KIF6: variants seen among roughly 807,000 people sequenced by gnomAD.
The protein encoded by KIF6 is kinesin-like protein KIF6.
A neutral mutation model predicts 112.7 loss-of-function variants in KIF6; 106 were observed. That is an observed-to-expected ratio of 0.94 (90% CI 0.80 to 1.11). The LOEUF (loss-of-function observed/expected upper bound fraction) is 1.11, where lower values mean the gene tolerates loss of function less well. Among genes scored for constraint, KIF6 ranks in the 50% least tolerant of loss-of-function variants. The pLI, the probability that KIF6 is intolerant of heterozygous loss-of-function variation, is 0.00. For missense variants in KIF6, 929 were observed against 964.0 expected, an observed-to-expected ratio of 0.96 and a Z score of 0.48; for synonymous variants, 339 against 339.9, an observed-to-expected ratio of 1.00 and a Z score of 0.03.
At chr6:39,668,660 C>A (rs1269911456) in intron 3 of KIF6, among the ~76,000 whole-genome samples, 3 of 152,174 alleles carry the variant, frequency 2.0e-5, no homozygotes, top group Non-Finnish European at 4.4e-5. Flanking sequence ...AACCCCAGGC[C>A]ATCTCATGAA....
intron 13 of KIF6, among the ~76,000 whole-genome samples, chr6:39,448,398 C>T (rs1222595604): frequency 6.6e-6 from 1 of 152,126 alleles, no homozygotes; most frequent in Non-Finnish European, 1.5e-5. Context: ...TGGTCTCGAA[C>T]TCCTGACCTC....
At chr6:39,491,916 T>C (rs1292893801) in intron 13 of KIF6, among the ~76,000 whole-genome samples, 1 of 152,162 alleles carries the variant, frequency 6.6e-6, no homozygotes, top group Non-Finnish European at 1.5e-5. Context: ...CTGGCTTCTC[T>C]TAGCTGCCTA....
chr6:39,649,392 C>A (rs1785342251), intron 3 of KIF6, among the ~76,000 whole-genome samples: 1 of 152,184 alleles, frequency 6.6e-6, no homozygotes, highest in African/African-American at 2.4e-5. Flanking sequence ...CCCCACACAA[C>A]CAAAATTGTT....
At chr6:39,385,247 C>T (rs1325865056) in intron 16 of KIF6, among the ~76,000 whole-genome samples, 1 of 152,194 alleles carries the variant, frequency 6.6e-6, no homozygotes, top group Admixed American at 6.5e-5. Context: ...TAAACAAATG[C>T]TGTTTTCATC....
At chr6:39,426,391 A>T (rs1196871340) in intron 14 of KIF6, among the ~76,000 whole-genome samples, 2 of 152,164 alleles carry the variant, frequency 1.3e-5, no homozygotes, top group South Asian at 2.1e-4. Context: ...GAGCTTAGAG[A>T]TGCTAGAAAT....
At chr6:39,678,219 T>C (rs2113762891) in intron 3 of KIF6, among the ~76,000 whole-genome samples, 1 of 151,934 alleles carries the variant, frequency 6.6e-6, no homozygotes, top group East Asian at 1.9e-4. Flanking sequence ...GTAAACTAGT[T>C]CAACCATTGT....
chr6:39,696,781 T>C (rs977433606), intron 3 of KIF6, among the ~76,000 whole-genome samples: 49 of 151,878 alleles, frequency 3.2e-4, no homozygotes, highest in Non-Finnish European at 1.0e-4. Context: ...GTGTAAATAC[T>C]GGACACACAC....
chr6:39,686,659 C>T (rs188119994), intron 3 of KIF6, among the ~76,000 whole-genome samples: 3 of 152,180 alleles, frequency 2.0e-5, no homozygotes, highest in African/African-American at 4.8e-5. Flanking sequence ...ATAACCTAAC[C>T]CCCCACATTA....
At chr6:39,700,029 C>T (rs1788785258) in intron 3 of KIF6, among the ~76,000 whole-genome samples, 1 of 151,984 alleles carries the variant, frequency 6.6e-6, no homozygotes, top group Non-Finnish European at 1.5e-5. Flanking sequence ...TTTTGTGGGT[C>T]CATAGTAGGT....
At chr6:39,468,212 C>T (rs904879753) in intron 13 of KIF6, among the ~76,000 whole-genome samples, 1 of 151,588 alleles carries the variant, frequency 6.6e-6, no homozygotes, top group African/African-American at 2.4e-5. Flanking sequence ...AGGAATAGAG[C>T]CTCAGTGAAA....
intron 13 of KIF6, among the ~76,000 whole-genome samples, chr6:39,445,366 T>C (rs1772245634): frequency 6.6e-6 from 1 of 152,218 alleles, no homozygotes; most frequent in South Asian, 2.1e-4. Flanking sequence ...TGTATCCTAA[T>C]AGCTTCTTCT....
chr6:39,461,797 G>A (rs936251985), intron 13 of KIF6, among the ~76,000 whole-genome samples: 56 of 152,016 alleles, frequency 3.7e-4, no homozygotes, highest in African/African-American at 1.3e-3. Flanking sequence ...TTTAATATTT[G>A]TATCTGTATT....
chr6:39,402,678 A>G (rs750775427), intron 15 of KIF6, among the ~76,000 whole-genome samples: 27 of 152,132 alleles, frequency 1.8e-4, no homozygotes, highest in Non-Finnish European at 3.4e-4. Context: ...AGAAGCCCCC[A>G]CTGGGTGGTT....
intron 13 of KIF6, among the ~76,000 whole-genome samples, chr6:39,524,764 C>T (rs548781526): frequency 4.3e-4 from 66 of 152,298 alleles, no homozygotes; most frequent in African/African-American, 1.5e-3. Context: ...TCATCTTCTC[C>T]GTCCTCTAAG....
At chr6:39,629,473 G>A (rs140014742) in intron 5 of KIF6, among the ~76,000 whole-genome samples, 206 of 152,190 alleles carry the variant, frequency 1.4e-3, no homozygotes, top group African/African-American at 4.4e-3. Context: ...CTTCTTCAGC[G>A]AAGTGGCTAT....
chr6:39,626,209 G>A (rs1475980231), intron 5 of KIF6, among the ~76,000 whole-genome samples: 4 of 152,144 alleles, frequency 2.6e-5, no homozygotes. Flanking sequence ...CAACTGAAAT[G>A]ATCAGTTTAT....
chr6:39,714,383 C>G (rs1789713350), intron 3 of KIF6, among the ~76,000 whole-genome samples: 1 of 150,948 alleles, frequency 6.6e-6, no homozygotes, highest in African/African-American at 2.4e-5. Context: ...GACTCTGCCA[C>G]CACTACCCAT....
chr6:39,588,320 C>T (rs565138422), intron 7 of KIF6, among the ~76,000 whole-genome samples: 78 of 152,196 alleles, frequency 5.1e-4, no homozygotes, highest in African/African-American at 1.8e-3. Context: ...TTCAAGTGAG[C>T]CTTGTGTCTC....
intron 22 of KIF6, among the ~76,000 whole-genome samples, chr6:39,339,752 C>G (rs1414002850): frequency 6.6e-6 from 1 of 152,222 alleles, no homozygotes; most frequent in Non-Finnish European, 1.5e-5. Context: ...ATATACCTGT[C>G]CACGCCTGCC....
Sources: gnomAD v4.1 joint callset for allele counts (sites outside exome capture counted in the v4.1 genomes callset) on GRCh38, gnomAD v4.1.1 for gene constraint, MANE v1.5 for transcripts, NCBI Gene and HGNC (gene_info 2026-07-23, HGNC 2026-07-21) for gene names.